SLC1A1: variants seen among roughly 807,000 people sequenced by gnomAD.
The protein encoded by SLC1A1 is excitatory amino acid transporter 3.
Under a neutral mutation model 53.3 loss-of-function variants are expected in SLC1A1, and 43 were observed. The ratio of observed to expected loss-of-function variants is 0.81; its 90% CI spans 0.63 to 1.04. The LOEUF (loss-of-function observed/expected upper bound fraction) is 1.04, where lower values mean the gene tolerates loss of function less well. Ranked by LOEUF, SLC1A1 falls within the 50% of genes least tolerant of loss-of-function variation. The pLI, the probability that SLC1A1 is intolerant of heterozygous loss-of-function variation, is 0.00. For missense variants in SLC1A1, 748 were observed against 664.9 expected, an observed-to-expected ratio of 1.12 and a Z score of -1.37; for synonymous variants, 307 against 243.2, an observed-to-expected ratio of 1.26 and a Z score of -2.44.
intron 1 of SLC1A1, among the ~76,000 whole-genome samples, chr9:4,529,134 G>A (rs1392314545): frequency 6.6e-6 from 1 of 152,110 alleles, no homozygotes; most frequent in Non-Finnish European, 1.5e-5. Context: ...TTGGATCACA[G>A]CAGCCACTTA....
At chr9:4,500,558 G>A (rs771983262) in intron 1 of SLC1A1, among the ~76,000 whole-genome samples, 13 of 152,116 alleles carry the variant, frequency 8.5e-5, no homozygotes, top group Non-Finnish European at 1.8e-4. Context: ...TAGTCTGCCC[G>A]CCTCGGCCTC....
At chr9:4,494,012 G>A (rs1422494734) in intron 1 of SLC1A1, among the ~76,000 whole-genome samples, 6 of 152,154 alleles carry the variant, frequency 3.9e-5, no homozygotes, top group Admixed American at 3.9e-4. Flanking sequence ...CAATAGTTAG[G>A]TGACCATCTT....
chr9:4,581,614 T>G (rs1821105181), intron 10 of SLC1A1, among the ~76,000 whole-genome samples: 1 of 152,206 alleles, frequency 6.6e-6, no homozygotes. Context: ...GAAAACCTGT[T>G]GATGCATTCC....
At chr9:4,497,423 A>T (rs1474496830) in intron 1 of SLC1A1, among the ~76,000 whole-genome samples, 1 of 152,128 alleles carries the variant, frequency 6.6e-6, no homozygotes, top group Non-Finnish European at 1.5e-5. Context: ...ACCCTAAGGG[A>T]AGGACGTTTG....
chr9:4,544,111 G>C (rs1312740569), intron 1 of SLC1A1, among the ~76,000 whole-genome samples: 3 of 152,178 alleles, frequency 2.0e-5, no homozygotes, highest in Non-Finnish European at 4.4e-5. Flanking sequence ...GGAAGGTTGA[G>C]GCTGCAGTGA....
At chr9:4,582,896 A>C in intron 10 of SLC1A1, 142 bp from the exon 11 acceptor site, 1 of 1,056,510 alleles carries the variant, frequency 9.5e-7, no homozygotes, top group Non-Finnish European at 1.5e-6. Context: ...GCTGGGGCTC[A>C]GCAAGTCACA....
intron 1 of SLC1A1, among the ~76,000 whole-genome samples, chr9:4,538,949 GAC>G (rs1388150053): frequency 6.6e-6 from 1 of 152,200 alleles, no homozygotes; most frequent in African/African-American, 2.4e-5. Flanking sequence ...AGGGCAAAAA[GAC>G]ACATAATTAA....
intron 1 of SLC1A1, among the ~76,000 whole-genome samples, chr9:4,539,115 A>C (rs765527594): frequency 1.4e-4 from 21 of 152,238 alleles, no homozygotes; most frequent in Non-Finnish European, 2.6e-4. Flanking sequence ...AAAAAACAAC[A>C]GATGATTTCA....
intron 1 of SLC1A1, among the ~76,000 whole-genome samples, chr9:4,520,263 T>G (rs1399982033): frequency 6.6e-6 from 1 of 152,218 alleles, no homozygotes; most frequent in East Asian, 1.9e-4. Flanking sequence ...GTCACATCTT[T>G]GGCAATATTT....
At chr9:4,519,200 T>A (rs1815977229) in intron 1 of SLC1A1, among the ~76,000 whole-genome samples, 2 of 152,230 alleles carry the variant, frequency 1.3e-5, no homozygotes, top group African/African-American at 4.8e-5. Context: ...GCCTCTAAAT[T>A]TTATACCATA....
At chr9:4,584,172 G>T (rs1331432883) in intron 11 of SLC1A1, among the ~76,000 whole-genome samples, 2 of 152,210 alleles carry the variant, frequency 1.3e-5, no homozygotes, top group East Asian at 1.9e-4. Flanking sequence ...GAGATGGAAA[G>T]GGAAGCAGAG....
intron 1 of SLC1A1, among the ~76,000 whole-genome samples, chr9:4,517,212 C>T (rs540522834): frequency 2.0e-5 from 3 of 152,188 alleles, no homozygotes; most frequent in Admixed American, 1.3e-4. Flanking sequence ...CTCAATAGTC[C>T]CCGCCTAGTG....
At chr9:4,557,806 G>C (rs1041814389) in intron 2 of SLC1A1, among the ~76,000 whole-genome samples, 7 of 152,106 alleles carry the variant, frequency 4.6e-5, no homozygotes, top group African/African-American at 1.4e-4. Context: ...GAATTTTGTA[G>C]CACATGGATA....
intron 1 of SLC1A1, among the ~76,000 whole-genome samples, chr9:4,496,167 G>T (rs1440790113): frequency 6.6e-6 from 1 of 152,118 alleles, no homozygotes; most frequent in Non-Finnish European, 1.5e-5. Context: ...AAGAGAAGGG[G>T]CCCACAGGAG....
chr9:4,526,025 C>T (rs1337024906), intron 1 of SLC1A1, among the ~76,000 whole-genome samples: 1 of 152,034 alleles, frequency 6.6e-6, no homozygotes, highest in African/African-American at 2.4e-5. Flanking sequence ...AAAAACAAAG[C>T]TATAATTCCA....
At chr9:4,505,269 G>A (rs1820766757) in intron 1 of SLC1A1, among the ~76,000 whole-genome samples, 1 of 151,906 alleles carries the variant, frequency 6.6e-6, no homozygotes, top group Non-Finnish European at 1.5e-5. Context: ...GGCTGGTCTT[G>A]AACTTCTGAC....
rs542445324 is a variant in SLC1A1 at position 4,515,598 on chromosome 9, C to G, written c.91+24828C>G. On this transcript the variant is annotated intron_variant, in intron 1 of 11. Transcript: ENST00000262352. ...CCAAGAAGAGGGTGGAAGACAAACC[C>G]TTGATGAACATCAACAATGTCAAAG... Among the ~76,000 whole-genome samples the G allele has an allele frequency of 6.8e-5, 10 of 147,808 alleles. No individual in the cohort carries two copies. The South Asian group carries it at 2.0e-3, about 29-fold the overall frequency.
At chr9:4,509,968 G>C (rs755548552) in intron 1 of SLC1A1, among the ~76,000 whole-genome samples, 4 of 152,078 alleles carry the variant, frequency 2.6e-5, no homozygotes, top group Non-Finnish European at 5.9e-5. Flanking sequence ...CAAGTAGCTG[G>C]GATTACAGGC....
intron 1 of SLC1A1, among the ~76,000 whole-genome samples, chr9:4,516,943 A>G (rs951936971): frequency 6.6e-6 from 1 of 151,990 alleles, no homozygotes; most frequent in African/African-American, 2.4e-5. Context: ...GACTGAACAC[A>G]CTCTTATCAC....
Sources: gnomAD v4.1 joint callset for allele counts (sites outside exome capture counted in the v4.1 genomes callset) on GRCh38, gnomAD v4.1.1 for gene constraint, MANE v1.5 for transcripts, NCBI Gene and HGNC (gene_info 2026-07-23, HGNC 2026-07-21) for gene names.